Variants in TPST1 observed in about 807,000 individuals in gnomAD.
TPST1 encodes the protein tyrosylprotein sulfotransferase 1, also known as protein-tyrosine sulfotransferase 1.
TPST1 carries 20 observed loss-of-function variants against 34.8 expected under a neutral mutation model. The ratio of observed to expected loss-of-function variants is 0.57; its 90% CI spans 0.40 to 0.84. TPST1 has a LOEUF of 0.84. TPST1 is among the 40% of genes least tolerant of loss of function. TPST1 has a pLI of 0.00. For synonymous variants in TPST1, 152 were observed against 159.4 expected (o/e 0.95, Z 0.35); for missense variants, 353 against 455.5 (o/e 0.78, Z 2.05).
At chr7:66,278,261 TGA>T (rs1464522307) in intron 2 of TPST1, among the ~76,000 whole-genome samples, 1 of 152,032 alleles carries the variant, frequency 6.6e-6, no homozygotes, top group East Asian at 1.9e-4. Context: ...ATGTGAAGTA[TGA>T]GAGAATGTAG....
At position 66,272,128 on chromosome 7, in the gene TPST1, A is replaced by G. The variant is rs182029615; in HGVS notation, c.846-14383A>G. Among the ~76,000 whole-genome samples, 23 of 152,262 alleles carry G rather than the reference A, an allele frequency of 1.5e-4. No homozygotes were observed. In the East Asian group the frequency reaches 2.7e-3, roughly 18 times the overall value. ...ATATGTATATTAAATAGATTGTTCAATTTCTTCTGGGGGAAAAAAGTATTG... is the reference window on the plus strand; with the variant it reads ...ATATGTATATTAAATAGATTGTTCAGTTTCTTCTGGGGGAAAAAAGTATTG... On this transcript the variant is annotated intron_variant, in intron 2 of 5. Transcript: ENST00000304842.
intron 1 of TPST1, among the ~76,000 whole-genome samples, chr7:66,232,959 A>T (rs1267432827): frequency 1.3e-5 from 2 of 152,100 alleles, no homozygotes; most frequent in African/African-American, 2.4e-5. Context: ...TAGACTGATG[A>T]TGTGGAGCAT....
chr7:66,228,501 T>C (rs1198373507), intron 1 of TPST1, among the ~76,000 whole-genome samples: 1 of 152,190 alleles, frequency 6.6e-6, no homozygotes, highest in Non-Finnish European at 1.5e-5. Flanking sequence ...ATGTATCATA[T>C]ATGTAACCCC....
chr7:66,356,867 A>G lies in TPST1; in HGVS notation c.*25A>G. 6.2e-7 allele frequency: 1 copy of G among 1,614,012 alleles called. No individual in the cohort carries two copies. Among genetic ancestry groups the G allele is most frequent in the Admixed American group, 1.7e-5 (1 of 59,994 alleles). ...GCAGAACCAGGAGCCTCTTCCATAC[A>G]TGAGGTGAGGGTTGGGGGACATTGC... On this transcript the variant is annotated 3_prime_UTR_variant, in exon 5 of 6. Transcript: ENST00000304842.
intron 2 of TPST1, among the ~76,000 whole-genome samples, chr7:66,242,463 AG>A (rs979360965): frequency 1.3e-5 from 2 of 152,170 alleles, no homozygotes; most frequent in African/African-American, 4.8e-5. Flanking sequence ...ATAATCTCAA[AG>A]GAACAGCTGC....
chr7:66,240,240 A>C (rs1461914324), intron 1 of TPST1, 85 bp from the exon 2 acceptor site: 1 of 718,484 alleles, frequency 1.4e-6, no homozygotes. Flanking sequence ...GCTTCTTTCT[A>C]CCTAAAATGC....
At chr7:66,329,561 T>C (rs1327099946) in intron 3 of TPST1, among the ~76,000 whole-genome samples, 1 of 152,202 alleles carries the variant, frequency 6.6e-6, no homozygotes, top group African/African-American at 2.4e-5. Flanking sequence ...TTTTTGTTTG[T>C]GAGGGCTATA....
At chr7:66,336,791 T>C (rs1411692741) in intron 3 of TPST1, among the ~76,000 whole-genome samples, 1 of 152,134 alleles carries the variant, frequency 6.6e-6, no homozygotes, top group Non-Finnish European at 1.5e-5. Context: ...AAGAGATACC[T>C]ATGGCACATA....
upstream of TPST1, among the ~76,000 whole-genome samples, chr7:66,204,238 C>T (rs1197819446): frequency 1.3e-5 from 2 of 151,986 alleles, no homozygotes; most frequent in African/African-American, 2.4e-5. Flanking sequence ...AATGAAGTGC[C>T]GATACATGCT....
intron 3 of TPST1, among the ~76,000 whole-genome samples, chr7:66,329,565 G>A (rs1423498502): frequency 6.6e-6 from 1 of 151,984 alleles, no homozygotes; most frequent in African/African-American, 2.4e-5. Flanking sequence ...TGTTTGTGAG[G>A]GCTATATGAC....
At chr7:66,338,162 A>C (rs905056111) in intron 3 of TPST1, among the ~76,000 whole-genome samples, 53 of 152,248 alleles carry the variant, frequency 3.5e-4, no homozygotes, top group African/African-American at 1.2e-3. Flanking sequence ...ATGCAAATGG[A>C]AACCAAAAAA....
At chr7:66,211,211 C>T (rs559663408) in intron 1 of TPST1, among the ~76,000 whole-genome samples, 35 of 151,856 alleles carry the variant, frequency 2.3e-4, no homozygotes, top group Admixed American at 1.2e-3. Context: ...CTTGGCTCAC[C>T]GCAACCTCCG....
At chr7:66,338,298 T>C (rs549367069) in intron 3 of TPST1, among the ~76,000 whole-genome samples, 2 of 152,224 alleles carry the variant, frequency 1.3e-5, no homozygotes, top group East Asian at 1.9e-4. Flanking sequence ...ATGGTAAATA[T>C]ATATACACCC....
chr7:66,214,922 T>C (rs1448645649), intron 1 of TPST1, among the ~76,000 whole-genome samples: 2 of 146,980 alleles, frequency 1.4e-5, no homozygotes, highest in Non-Finnish European at 3.0e-5. Context: ...TATATTTTTA[T>C]AGATATACAT....
chr7:66,233,831 C>T (rs748304210), intron 1 of TPST1, among the ~76,000 whole-genome samples: 4 of 152,206 alleles, frequency 2.6e-5, no homozygotes, highest in Non-Finnish European at 4.4e-5. Flanking sequence ...CCCTCTTGGT[C>T]ACTGCCTTGC....
At chr7:66,333,169 T>G (rs896761650) in intron 3 of TPST1, among the ~76,000 whole-genome samples, 10 of 152,214 alleles carry the variant, frequency 6.6e-5, no homozygotes, top group Non-Finnish European at 1.0e-4. Flanking sequence ...TGGAATTAAT[T>G]ATACCTCACT....
chr7:66,259,490 A>T (rs967787913), intron 2 of TPST1, among the ~76,000 whole-genome samples: 22 of 151,594 alleles, frequency 1.5e-4, no homozygotes, highest in Non-Finnish European at 2.2e-4. Flanking sequence ...TTTTTTCCAA[A>T]TTTTTTTTCT....
chr7:66,293,901 T>C (rs1791139209), intron 3 of TPST1, among the ~76,000 whole-genome samples: 1 of 152,252 alleles, frequency 6.6e-6, no homozygotes, highest in African/African-American at 2.4e-5. Flanking sequence ...TAATAAGTTA[T>C]GCTCACGTCT....
chr7:66,327,994 CT>C (rs1241420683), intron 3 of TPST1, among the ~76,000 whole-genome samples: 23 of 47,806 alleles, frequency 4.8e-4, no homozygotes, highest in Middle Eastern at 0.014. Context: ...TTTTTTCTTT[CT>C]TTTTTTTTTC....
Sources: gnomAD v4.1 joint callset for allele counts (sites outside exome capture counted in the v4.1 genomes callset) on GRCh38, gnomAD v4.1.1 for gene constraint, MANE v1.5 for transcripts, NCBI Gene and HGNC (gene_info 2026-07-23, HGNC 2026-07-21) for gene names.